The following CIB3 variants were observed in gnomAD, a reference collection of about 807,000 sequenced individuals.
CIB3 encodes calcium and integrin binding family member 3.
In CIB3, 22 loss-of-function variants were observed where a neutral mutation model predicts 23.4. The observed-to-expected ratio is 0.94, with a 90% CI of 0.67 to 1.34. The LOEUF (loss-of-function observed/expected upper bound fraction) is 1.34. CIB3 is among the 40% of genes most tolerant of loss of function. The pLI is 0.00. For missense variants in CIB3, 258 were observed against 247.3 expected (o/e 1.04, Z -0.29); for synonymous variants, 93 against 95.8 (o/e 0.97, Z 0.17).
rs1303627384 is a variant in CIB3, at chr19:16,169,800, G to T, written c.87-59C>A. Reference sequence around the variant, plus strand: ...GGAGCAGGGAGCAGGCAAGACGCTTGTCCCTTCTTTGTTTTTTGAGACAGA... The same window carrying T: ...GGAGCAGGGAGCAGGCAAGACGCTTTTCCCTTCTTTGTTTTTTGAGACAGA... On this transcript the variant is annotated intron_variant, in intron 2 of 5. Coordinates refer to ENST00000269878, the MANE Select transcript of CIB3 (RefSeq NM_054113.4). 1.1e-5 allele frequency: 16 copies of T among 1,415,778 alleles called. No homozygotes were observed. The East Asian group carries it at 3.4e-4, about 30-fold the overall frequency. 87.7% of individuals were successfully genotyped at this position (1,415,778 alleles called of 1,614,324 possible). A position where few individuals can be genotyped will look rare whatever the true frequency, so the allele number is the denominator to read the frequency against.
At chr19:16,168,851 C>G (rs2145083371) in intron 3 of CIB3, among the ~76,000 whole-genome samples, 1 of 152,204 alleles carries the variant, frequency 6.6e-6, no homozygotes, top group Non-Finnish European at 1.5e-5. Flanking sequence ...TGTTGTTGTT[C>G]AGGGGCAATC....
In CIB3 at chr19:16,164,848, C is replaced by T. The variant is rs753172078; in HGVS notation, c.412G>A (p.Gly138Arg). 4.3e-6 allele frequency: 7 copies of T among 1,614,030 alleles called. No individual in the cohort carries two copies. Among genetic ancestry groups the T allele is most frequent in the South Asian group, 3.3e-5 (3 of 91,080 alleles). The change falls in exon 5 of 6, where the codon GGG becomes AGG. Residue 138 changes from glycine (G) to arginine (R), a missense_variant. Coordinates refer to ENST00000269878, the MANE Select transcript of CIB3 (RefSeq NM_054113.4). Reference protein sequence around the residue: ...LEQTVTKLTRGGLSAEEVSLV... With the variant: ...LEQTVTKLTRRGLSAEEVSLV... ...CTCACCTCCTCGGCACTCAGCCCCC[C>T]CCGCGTCAGTTTGGTCACCGTCTGC...
intron 2 of CIB3, among the ~76,000 whole-genome samples, chr19:16,171,606 C>T (rs2091328529): frequency 6.6e-6 from 1 of 152,092 alleles, no homozygotes; most frequent in Non-Finnish European, 1.5e-5. Context: ...TGAGCATGTT[C>T]CTCTCCTCTC....
At chr19:16,169,859 G>C in intron 2 of CIB3, 118 bp from the exon 3 acceptor site, 1 of 777,768 alleles carries the variant, frequency 1.3e-6, no homozygotes, top group Non-Finnish European at 2.0e-6. Flanking sequence ...GAGTGCAGTG[G>C]CACAATCTCG....
rs758495228 is a variant in CIB3 at position 16,169,700 on chromosome 19, G to T, written c.128C>A (p.Pro43His). ...ATCGGGGCAGGTGGTATAGTCGAGG[G>T]GCACGAGCTGTGGGGCCAGGTCCTG... ...RYQDLAPQLV[P>H]LDYTTCPDVK... Residue 43 changes from proline (P) to histidine (H), a missense_variant, in exon 3 of 6, where the codon CCC (proline) becomes CAC (histidine). Transcript: ENST00000269878. 6.2e-7 allele frequency: 1 copy of T among 1,613,250 alleles called. No individual in the cohort carries two copies. Among genetic ancestry groups the T allele is most frequent in the Non-Finnish European group, 8.5e-7 (1 of 1,179,532 alleles).
intron 3 of CIB3, 120 bp from the exon 4 acceptor site, chr19:16,168,404 A>T: frequency 7.4e-7 from 1 of 1,353,068 alleles, no homozygotes; most frequent in Non-Finnish European, 1.0e-6. Context: ...ATCAAGACCC[A>T]CTCCCTCCCA....
chr19:16,161,673 C>CTTTTTTTTTTTTTTTT, intron 5 of CIB3, among the ~76,000 whole-genome samples, 187 bp from the exon 6 acceptor site: 1 of 100,056 alleles, frequency 1.0e-5, no homozygotes, highest in Non-Finnish European at 1.9e-5. Context: ...TTTTTTAATT[C>CTTTTTTTTTTTTTTTT]TTTTTTTTTT....
chr19:16,162,232 C>A (rs1422784601), intron 5 of CIB3, among the ~76,000 whole-genome samples: 3 of 140,094 alleles, frequency 2.1e-5, no homozygotes, highest in African/African-American at 8.3e-5. Context: ...CAAGGCAAGA[C>A]CTTGTCTCCA....
chr19:16,172,714 C>CT (rs1374580621), intron 2 of CIB3, among the ~76,000 whole-genome samples: 1 of 152,026 alleles, frequency 6.6e-6, no homozygotes, highest in African/African-American at 2.4e-5. Flanking sequence ...CTTTGGGAGG[C>CT]TGAGGCAGGG....
chr19:16,171,488 A>C (rs543899623), intron 2 of CIB3, among the ~76,000 whole-genome samples: 2 of 152,072 alleles, frequency 1.3e-5, no homozygotes, highest in Non-Finnish European at 2.9e-5. Context: ...GATGACTAGG[A>C]ACTCAATGAA....
chr19:16,164,637 A>G, intron 5 of CIB3, 81 bp downstream of exon 5: 2 of 1,310,640 alleles, frequency 1.5e-6, no homozygotes, highest in Non-Finnish European at 2.1e-6. Context: ...AGGAATTTTC[A>G]GAAACAGAGT....
intron 1 of CIB3, 94 bp downstream of exon 1, chr19:16,173,331 C>T (rs1042304202): frequency 4.5e-6 from 7 of 1,555,808 alleles, no homozygotes; most frequent in African/African-American, 2.7e-5. Context: ...CCCAGGCGGA[C>T]GGTACACCCA....
intron 5 of CIB3, 117 bp from the exon 6 acceptor site, chr19:16,161,603 A>T: frequency 2.0e-6 from 2 of 1,013,004 alleles, no homozygotes; most frequent in Non-Finnish European, 3.0e-6. Flanking sequence ...TGCCACATGG[A>T]CCCCTCAAAC....
In CIB3 at chr19:16,164,975, C is replaced by T. The variant is rs1599434534; in HGVS notation, c.347-62G>A. 2.8e-6 allele frequency: 4 copies of T among 1,413,248 alleles called. No individual in the cohort carries two copies. The South Asian group carries it at 4.7e-5, about 17-fold the overall frequency. The allele number at this position is 1,413,248 out of a possible 1,614,324, so 87.5% of individuals were successfully genotyped here. A position where few individuals can be genotyped will look rare whatever the true frequency, so the allele number is the denominator to read the frequency against. The stretch of plus-strand genomic sequence containing the variant: ...GCAGGAGGGCTAGGCCGGCTGTGGG[C>T]ACATACTGTGCCCATGTTACAAGAA... On this transcript the variant is annotated intron_variant, in intron 4 of 5. Transcript: ENST00000269878.
chr19:16,167,661 G>A (rs1445791987), intron 4 of CIB3, among the ~76,000 whole-genome samples: 1 of 151,870 alleles, frequency 6.6e-6, no homozygotes, highest in Non-Finnish European at 1.5e-5. Context: ...GTGAAACCCC[G>A]TTTCTACTAA....
At chr19:16,163,272 G>A (rs921632621) in intron 5 of CIB3, among the ~76,000 whole-genome samples, 3 of 151,994 alleles carry the variant, frequency 2.0e-5, no homozygotes, top group African/African-American at 4.8e-5. Context: ...ACAAACAAAC[G>A]GGCTGGGCGT....
chr19:16,171,782 A>T (rs1463458309), intron 2 of CIB3, among the ~76,000 whole-genome samples: 1 of 152,184 alleles, frequency 6.6e-6, no homozygotes, highest in African/African-American at 2.4e-5. Context: ...GTGATGGCCG[A>T]GGTGACCCTG....
intron 4 of CIB3, among the ~76,000 whole-genome samples, chr19:16,167,774 G>A (rs1324025255): frequency 1.3e-5 from 2 of 152,174 alleles, no homozygotes; most frequent in African/African-American, 2.4e-5. Flanking sequence ...GGAGACTGCA[G>A]TAAGCCAAGA....
intron 4 of CIB3, among the ~76,000 whole-genome samples, chr19:16,165,892 G>C (rs2445850): frequency 0.75 from 114,500 of 152,106 alleles, 43,542 homozygotes; most frequent in East Asian, 0.95. Flanking sequence ...CACTCAACAA[G>C]TATTTATTGA....
Sources: gnomAD v4.1 joint callset for allele counts (sites outside exome capture counted in the v4.1 genomes callset) on GRCh38, gnomAD v4.1.1 for gene constraint, MANE v1.5 for transcripts, NCBI Gene and HGNC (gene_info 2026-07-23, HGNC 2026-07-21) for gene names.